The following SLA variants were observed in gnomAD, a reference collection of about 807,000 sequenced individuals.
SLA encodes Src like adaptor, also known as src-like-adapter.
In SLA, 16 loss-of-function variants were observed where a neutral mutation model predicts 30.3. The observed-to-expected ratio is 0.53, with a 90% CI of 0.36 to 0.80. The LOEUF is 0.80. Ranked by LOEUF, SLA falls within the 30% of genes least tolerant of loss-of-function variation. The pLI is 0.01. For missense variants in SLA, 310 were observed against 345.2 expected, an observed-to-expected ratio of 0.90 and a Z score of 0.81; for synonymous variants, 143 against 137.8, an observed-to-expected ratio of 1.04 and a Z score of -0.26.
At chr8:133,078,303 G>A (rs1845208196) in intron 1 of SLA, among the ~76,000 whole-genome samples, 1 of 152,168 alleles carries the variant, frequency 6.6e-6, no homozygotes, top group African/African-American at 2.4e-5. Flanking sequence ...CAAGAACTGG[G>A]GTGGGAGCAT....
intron 1 of SLA, among the ~76,000 whole-genome samples, chr8:133,100,786 C>T (rs999783674): frequency 3.0e-4 from 45 of 152,184 alleles, no homozygotes; most frequent in Non-Finnish European, 6.0e-4. Context: ...GTGCAAAGGG[C>T]TTTCCAATTC....
chr8:133,064,653 C>T (rs190665048), intron 2 of SLA, among the ~76,000 whole-genome samples: 1 of 152,358 alleles, frequency 6.6e-6, no homozygotes, highest in East Asian at 1.9e-4. Context: ...CACATACTGG[C>T]ATGGCGTTGC....
Position 133,044,920 on chromosome 8 carries a change from C to T in SLA, c.484+64G>A. 1.3e-6 allele frequency: 2 copies of T among 1,558,710 alleles called. 1 individual carries two copies. Among genetic ancestry groups the T allele is most frequent in the South Asian group, 2.2e-5 (2 of 89,644 alleles). On this transcript the variant is annotated intron_variant, in intron 7 of 8. Transcript: ENST00000338087. ...CCCTCTGCATTCCAGACGGATGGCGCCACAGAGCAATTAGCTAAGAGGGGT... is the reference window on the plus strand; with the variant it reads ...CCCTCTGCATTCCAGACGGATGGCGTCACAGAGCAATTAGCTAAGAGGGGT...
chr8:133,080,541 T>C (rs1392479305), intron 1 of SLA, among the ~76,000 whole-genome samples: 2 of 152,092 alleles, frequency 1.3e-5, no homozygotes, highest in Non-Finnish European at 2.9e-5. Context: ...CAAATAAGAC[T>C]CAGGCCCTGC....
intron 8 of SLA, 21 bp from the exon 9 acceptor site, chr8:133,038,758 C>T (rs753771299): frequency 6.4e-7 from 1 of 1,569,744 alleles, no homozygotes; most frequent in Non-Finnish European, 8.7e-7. Flanking sequence ...GAAGAAAAGG[C>T]AGTAGAGAAA....
chr8:133,092,182 G>A lies in SLA; in HGVS notation c.-319+10371C>T, dbSNP rs148122551. Among the ~76,000 whole-genome samples, 296 of 152,266 alleles carry A rather than the reference G, an allele frequency of 1.9e-3. 1 individual carries two copies. Among genetic ancestry groups the A allele is most frequent in the African/African-American group, 6.8e-3 (283 of 41,556 alleles). On this transcript the variant is annotated intron_variant, in intron 1 of 8. Coordinates refer to ENST00000338087, the MANE Select transcript of SLA (RefSeq NM_001045556.3). ...TGGTACCAATAAACTCCTTGATTGC[G>A]TGAGTGTGTCTCCATCTGTGGTTGT...
At chr8:133,093,189 C>T (rs900155989) in intron 1 of SLA, among the ~76,000 whole-genome samples, 1 of 148,186 alleles carries the variant, frequency 6.7e-6, no homozygotes, top group Admixed American at 6.6e-5. Flanking sequence ...AAAAAAGCTG[C>T]CCTGCTCATT....
intron 3 of SLA, among the ~76,000 whole-genome samples, chr8:133,056,414 T>C (rs1401326689): frequency 6.6e-6 from 1 of 152,180 alleles, no homozygotes; most frequent in Non-Finnish European, 1.5e-5. Context: ...CTTGATCATC[T>C]GGGTCATTAA....
rs1837291329 is a variant in SLA, at chr8:133,037,406, T to C, written c.*1118A>G. ...TAGAATAAAGTACCGGGTGAGTTAA[T>C]TCTTTAGACTGTATCCATTTCTTTT... On this transcript the variant is annotated 3_prime_UTR_variant, in exon 9 of 9. Transcript: ENST00000338087. 1 of 152,222 alleles carries C rather than the reference T, an allele frequency of 6.6e-6. No individual in the cohort carries two copies. The highest frequency in any genetic ancestry group is 1.5e-5 in the Non-Finnish European group (1 of 68,042). 9.4% of individuals were successfully genotyped at this position (152,222 alleles called of 1,614,324 possible).
chr8:133,092,577 C>T (rs924616660), intron 1 of SLA, among the ~76,000 whole-genome samples: 3 of 152,202 alleles, frequency 2.0e-5, no homozygotes, highest in African/African-American at 7.2e-5. Flanking sequence ...CTTCACCTAC[C>T]TGGCCTCATG....
At chr8:133,050,080 A>C in intron 4 of SLA, 92 bp from the exon 5 acceptor site, 1 of 853,292 alleles carries the variant, frequency 1.2e-6, no homozygotes, top group Non-Finnish European at 2.0e-6. Flanking sequence ...AACCCAGGAC[A>C]GTTTGGAACA....
chr8:133,039,924 G>A, intron 8 of SLA, 74 bp downstream of exon 8: 2 of 1,515,618 alleles, frequency 1.3e-6, no homozygotes, highest in Admixed American at 2.0e-5. Context: ...ACACCGTTTT[G>A]TGCTCACATG....
intron 2 of SLA, among the ~76,000 whole-genome samples, chr8:133,068,856 G>A (rs1329399169): frequency 6.6e-6 from 1 of 152,280 alleles, no homozygotes; most frequent in Non-Finnish European, 1.5e-5. Flanking sequence ...GTGAGGTGGG[G>A]CACCACCCAG....
At chr8:133,071,563 C>T (rs1844038563) in intron 2 of SLA, among the ~76,000 whole-genome samples, 1 of 152,074 alleles carries the variant, frequency 6.6e-6, no homozygotes, top group African/African-American at 2.4e-5. Context: ...TCCACACACT[C>T]TGGTGCTTGG....
intron 5 of SLA, chr8:133,048,911 A>G (rs557860469): frequency 4.6e-6 from 1 of 215,654 alleles, no homozygotes; most frequent in Non-Finnish European, 9.8e-6. Flanking sequence ...GTTTTGCAAG[A>G]TGAGCATGTG....
At chr8:133,100,722 C>T (rs528359791) in intron 1 of SLA, among the ~76,000 whole-genome samples, 3 of 152,322 alleles carry the variant, frequency 2.0e-5, no homozygotes, top group African/African-American at 7.2e-5. Context: ...CTACCATCAA[C>T]GGTATGCTGG....
At chr8:133,091,851 CTGTG>C (rs2131609929) in intron 1 of SLA, among the ~76,000 whole-genome samples, 1 of 151,836 alleles carries the variant, frequency 6.6e-6, no homozygotes, top group African/African-American at 2.4e-5. Context: ...CCATGAGTGT[CTGTG>C]TGTGTAAGTG....
At chr8:133,081,594 A>G (rs1321805801) in intron 1 of SLA, among the ~76,000 whole-genome samples, 2 of 151,920 alleles carry the variant, frequency 1.3e-5, no homozygotes, top group Non-Finnish European at 2.9e-5. Context: ...AGAAGAAAAA[A>G]AAAGTAGCCG....
intron 1 of SLA, among the ~76,000 whole-genome samples, chr8:133,102,025 A>G (rs536444927): frequency 2.0e-4 from 31 of 152,348 alleles, no homozygotes; most frequent in African/African-American, 7.0e-4. Context: ...ATATCCTCAT[A>G]AAGATGTTCA....
Sources: allele counts gnomAD v4.1 joint callset (sites outside exome capture counted in the v4.1 genomes callset), GRCh38; gene constraint gnomAD v4.1.1; transcripts MANE v1.5; gene names NCBI Gene and HGNC (gene_info 2026-07-23, HGNC 2026-07-21).